The following NUGGC variants were observed in gnomAD, a reference collection of about 807,000 sequenced individuals.
The protein encoded by NUGGC is nuclear GTPase, germinal center associated, also known as nuclear GTPase SLIP-GC.
A neutral mutation model predicts 92.6 loss-of-function variants in NUGGC; 58 were observed. The ratio of observed to expected loss-of-function variants is 0.63; its 90% CI spans 0.51 to 0.78. The LOEUF (loss-of-function observed/expected upper bound fraction) is 0.78, where lower values mean the gene tolerates loss of function less well. Among genes scored for constraint, NUGGC ranks in the 30% least tolerant of loss-of-function variants. The pLI, the probability that NUGGC is intolerant of heterozygous loss-of-function variation, is 0.00. For missense variants in NUGGC, 925 were observed against 964.6 expected, an observed-to-expected ratio of 0.96 and a Z score of 0.54; for synonymous variants, 376 against 366.4, an observed-to-expected ratio of 1.03 and a Z score of -0.30.
intron 18 of NUGGC, among the ~76,000 whole-genome samples, chr8:28,023,795 C>A (rs540511841): frequency 3.9e-5 from 6 of 152,176 alleles, no homozygotes; most frequent in Non-Finnish European, 5.9e-5. Flanking sequence ...CTCTTCCCCC[C>A]ACCCCAATCC....
At position 28,026,939 on chromosome 8, in the gene NUGGC, A is replaced by T. The variant is rs1809277901; in HGVS notation, c.2245+23T>A. On this transcript the variant is annotated intron_variant, in intron 18 of 18. Transcript: ENST00000413272. The stretch of plus-strand genomic sequence containing the variant: ...AGGGCTGTCTGCACAATCACCCTGT[A>T]TACAAAGCTTTGGCGTATTTACCTG... 4 of 1,525,034 alleles carry T rather than the reference A, an allele frequency of 2.6e-6. No individual in the cohort carries two copies. The African/African-American group carries it at 5.5e-5, about 21-fold the overall frequency. The allele number at this position is 1,525,034 out of a possible 1,614,324, so 94.5% of individuals were successfully genotyped here. A position where few individuals can be genotyped will look rare whatever the true frequency, so the allele number is the denominator to read the frequency against.
At chr8:28,068,531 C>T (rs564156095) in intron 4 of NUGGC, 93 bp from the exon 5 acceptor site, 41 of 836,776 alleles carry the variant, frequency 4.9e-5, no homozygotes, top group Non-Finnish European at 6.7e-5. Flanking sequence ...ATTCTAATCC[C>T]GGGCACGTCA....
At chr8:28,039,610 G>A (rs149160361) in intron 13 of NUGGC, among the ~76,000 whole-genome samples, 177 of 152,194 alleles carry the variant, frequency 1.2e-3, no homozygotes, top group African/African-American at 3.8e-3. Flanking sequence ...CTAGAAAGCC[G>A]GTATCATCGG....
At chr8:28,029,084 C>A (rs1809344380) in intron 17 of NUGGC, among the ~76,000 whole-genome samples, 182 bp downstream of exon 17, 1 of 152,170 alleles carries the variant, frequency 6.6e-6, no homozygotes, top group Admixed American at 6.5e-5. Flanking sequence ...CTACTGGTGA[C>A]TCAGGAAAGA....
In NUGGC at chr8:28,074,375, C is replaced by T. The variant is rs1211748089; in HGVS notation, c.36G>A (p.Pro12=). ...AETKDVFGQE[P]HPVEDDLYKE... The stretch of plus-strand genomic sequence containing the variant: ...ATACTGCAAAGATGTTACCTGGATG[C>T]GGTTCCTGGCCAAAAACATCCTTCG... The change falls in exon 2 of 19, where the codon CCG becomes CCA. Residue 12 remains proline, a synonymous_variant. Coordinates refer to ENST00000413272, the MANE Select transcript of NUGGC (RefSeq NM_001010906.2). 5.6e-6 allele frequency: 9 copies of T among 1,610,928 alleles called. No homozygotes were observed. Among genetic ancestry groups the T allele is most frequent in the Admixed American group, 1.7e-5 (1 of 59,980 alleles).
intron 18 of NUGGC, 131 bp downstream of exon 18, chr8:28,026,831 G>A: frequency 1.5e-6 from 1 of 670,256 alleles, no homozygotes; most frequent in Non-Finnish European, 2.7e-6. Flanking sequence ...TCCTTGCCCT[G>A]CTAATTCTTC....
At chr8:28,050,152 G>A (rs187371506) in intron 10 of NUGGC, among the ~76,000 whole-genome samples, 19 of 152,170 alleles carry the variant, frequency 1.2e-4, no homozygotes, top group African/African-American at 4.3e-4. Flanking sequence ...TCGGGAGGCC[G>A]AGGCGGGCAA....
chr8:28,038,641 A>AAATG lies in NUGGC; in HGVS notation c.1611+2406_1611+2409dup, dbSNP rs1241234729. Among the ~76,000 whole-genome samples, 10 of 152,222 alleles carry AAATG rather than the reference A, an allele frequency of 6.6e-5. No homozygotes were observed. The East Asian group carries it at 7.7e-4, about 12-fold the overall frequency. ...ATTCCAAAGTCCTTGTTACATGCAG[A>AAATG]AATGAATGAATGAATGAATGCAGCA... On this transcript the variant is annotated intron_variant, in intron 13 of 18. Coordinates refer to ENST00000413272, the MANE Select transcript of NUGGC (RefSeq NM_001010906.2).
At chr8:28,055,179 G>C (rs1810101300) in intron 10 of NUGGC, among the ~76,000 whole-genome samples, 1 of 152,180 alleles carries the variant, frequency 6.6e-6, no homozygotes, top group African/African-American at 2.4e-5. Flanking sequence ...CTTGAACCCA[G>C]GAGACGGAGG....
At chr8:28,038,615 T>A (rs1809615564) in intron 13 of NUGGC, among the ~76,000 whole-genome samples, 1 of 152,222 alleles carries the variant, frequency 6.6e-6, no homozygotes, top group African/African-American at 2.4e-5. Context: ...CCATGCCTTG[T>A]ATTCCAAAGT....
rs1464891530 is a variant in NUGGC at position 28,064,610 on chromosome 8, T to G, written c.833A>C (p.Lys278Thr). The change falls in exon 7 of 19, where the codon AAA becomes ACA. Residue 278 changes from lysine to threonine, a missense_variant. By Grantham distance (78) the Lys-to-Thr change is moderately conservative. Coordinates refer to ENST00000413272, the MANE Select transcript of NUGGC (RefSeq NM_001010906.2). ...LIKHVEVTLP[K>T]SDLIPEGVVL... ...GACCCCTTCTGGGATCAGGTCGGAT[T>G]TGGGAAGTGTCACTTCCACATGTTT... is the stretch of plus-strand genomic sequence containing the variant. 2 of 1,613,928 alleles carry G rather than the reference T, an allele frequency of 1.2e-6. No homozygotes were observed. Among genetic ancestry groups the G allele is most frequent in the Admixed American group, 3.3e-5 (2 of 60,002 alleles).
At chr8:28,045,494 G>A (rs1437737404) in intron 12 of NUGGC, 33 bp downstream of exon 12, 1 of 1,600,042 alleles carries the variant, frequency 6.2e-7, no homozygotes, top group Admixed American at 1.7e-5. Flanking sequence ...GCCCAGGAAG[G>A]GGGAGAATAT....
At chr8:28,077,020 T>C (rs1320185844) in intron 1 of NUGGC, among the ~76,000 whole-genome samples, 4 of 152,036 alleles carry the variant, frequency 2.6e-5, no homozygotes, top group African/African-American at 7.2e-5. Context: ...AATAACGACA[T>C]TGAGATAGAT....
Position 28,083,906 on chromosome 8 carries a change from A to T in NUGGC, c.-178T>A, listed in dbSNP as rs1182998592. 6.6e-6 allele frequency: 1 copy of T among 152,200 alleles called. No homozygotes were observed. Among genetic ancestry groups the T allele is most frequent in the Non-Finnish European group, 1.5e-5 (1 of 68,040 alleles). 9.4% of individuals were successfully genotyped at this position (152,200 alleles called of 1,614,324 possible). A position where few individuals can be genotyped will look rare whatever the true frequency, so the allele number is the denominator to read the frequency against. ...TGGGGTACGTAGCCCTTTGGGCCACAATCACAAAGCCACGTTTACACAGCA... is the reference window on the plus strand; with the variant it reads ...TGGGGTACGTAGCCCTTTGGGCCACTATCACAAAGCCACGTTTACACAGCA... On this transcript the variant is annotated 5_prime_UTR_variant, in exon 1 of 19. Coordinates refer to ENST00000413272, the MANE Select transcript of NUGGC (RefSeq NM_001010906.2).
chr8:28,023,789 TC>T (rs1319746691), intron 18 of NUGGC, among the ~76,000 whole-genome samples: 2 of 151,890 alleles, frequency 1.3e-5, no homozygotes, highest in African/African-American at 4.8e-5. Context: ...CTCCCCCTCT[TC>T]CCCCCACCCC....
chr8:28,034,409 A>C (rs945970407), intron 13 of NUGGC, among the ~76,000 whole-genome samples: 2 of 152,206 alleles, frequency 1.3e-5, no homozygotes, highest in Non-Finnish European at 2.9e-5. Flanking sequence ...TTAATCAATG[A>C]TATACGTTTT....
chr8:28,067,832 GC>G, intron 5 of NUGGC, 88 bp from the exon 6 acceptor site: 1 of 986,644 alleles, frequency 1.0e-6, no homozygotes, highest in Non-Finnish European at 1.5e-6. Flanking sequence ...CCTGTGGAGG[GC>G]CAGGGGGCTG....
Position 28,027,682 on chromosome 8 carries a change from C to T in NUGGC, c.2155-630G>A, listed in dbSNP as rs766981585. ...TGGATCTCCTACGCTTTTTCTTTAA[C>T]GTTCTAGATTCTAGATCAAGAGCCC... On this transcript the variant is annotated intron_variant, in intron 17 of 18. Coordinates refer to ENST00000413272, the MANE Select transcript of NUGGC (RefSeq NM_001010906.2). Among the ~76,000 whole-genome samples the T allele has an allele frequency of 2.2e-4, 33 of 152,144 alleles. 1 individual carries two copies. Among genetic ancestry groups the T allele is most frequent in the Non-Finnish European group, 1.0e-4 (7 of 68,030 alleles).
chr8:28,041,588 C>G (rs1180605961), intron 12 of NUGGC, among the ~76,000 whole-genome samples: 1 of 152,208 alleles, frequency 6.6e-6, no homozygotes, highest in Non-Finnish European at 1.5e-5. Context: ...AAACATTTCA[C>G]GGGCTTGGAC....
Sources: gnomAD v4.1 joint callset for allele counts (sites outside exome capture counted in the v4.1 genomes callset) on GRCh38, gnomAD v4.1.1 for gene constraint, MANE v1.5 for transcripts, NCBI Gene and HGNC (gene_info 2026-07-23, HGNC 2026-07-21) for gene names.